The following GDPD3 variants were observed in gnomAD, a reference collection of about 807,000 sequenced individuals.
GDPD3 encodes the protein glycerophosphodiester phosphodiesterase domain containing 3.
A neutral mutation model predicts 43.7 loss-of-function variants in GDPD3; 40 were observed. The ratio of observed to expected loss-of-function variants is 0.91; its 90% CI spans 0.71 to 1.19. GDPD3 has a LOEUF of 1.19. Among genes scored for constraint, GDPD3 ranks in the 50% most tolerant of loss-of-function variants. The pLI is 0.00. For synonymous variants in GDPD3, 145 were observed against 162.9 expected, an observed-to-expected ratio of 0.89 and a Z score of 0.84; for missense variants, 363 against 415.8, an observed-to-expected ratio of 0.87 and a Z score of 1.11.
chr16:30,112,292 G>T lies in GDPD3; in HGVS notation c.483+14C>A. 1 of 1,613,648 alleles carries T rather than the reference G, an allele frequency of 6.2e-7. No individual in the cohort carries two copies. ...CGCCCCCGGTGGCCGCCCTAGCCCT[G>T]CCTGCAGCACCACCTCACGGATGAG... On this transcript the variant is annotated intron_variant, in intron 5 of 9. Coordinates refer to ENST00000406256, the MANE Select transcript of GDPD3 (RefSeq NM_024307.3). This position sits in a 1 kb window ranked among gnomAD's most constrained non-coding sequence, Gnocchi z 5.4.
chr16:30,113,179 C>T lies in GDPD3; in HGVS notation c.140-115G>A. ...CCTCCCTCTGGCCTCACCTCCCCAG[C>T]CAGCCCAGGCTGCGCCAGCATCTTC... On this transcript the variant is annotated intron_variant, in intron 1 of 9. Transcript: ENST00000406256. The surrounding 1 kb of genome is among the most constrained non-coding windows in gnomAD (Gnocchi z 5.9). 1 of 1,354,090 alleles carries T rather than the reference C, an allele frequency of 7.4e-7. No individual in the cohort carries two copies. The highest frequency in any genetic ancestry group is 1.0e-6 in the Non-Finnish European group (1 of 977,218). 83.9% of individuals were successfully genotyped at this position (1,354,090 alleles called of 1,614,324 possible).
rs2072875066 is a variant in GDPD3, at chr16:30,108,361, T to C, written c.767+12A>G. 1 of 1,613,868 alleles carries C rather than the reference T, an allele frequency of 6.2e-7. No individual in the cohort carries two copies. On this transcript the variant is annotated intron_variant, in intron 8 of 9. Coordinates refer to ENST00000406256, the MANE Select transcript of GDPD3 (RefSeq NM_024307.3). ...ATGGGGACACGCCACCCAGCCATCT[T>C]GCCCACCTCACCATTTCGAAACCAC... is the stretch of plus-strand genomic sequence containing the variant.
chr16:30,113,237 T>G lies in GDPD3; in HGVS notation c.139+103A>C. Reference sequence around the variant, plus strand: ...TCCACACCCTGCCCTGCCACTTCGCTCTCCTTCTCTCTTGGTCCCTGCCCC... The same window carrying G: ...TCCACACCCTGCCCTGCCACTTCGCGCTCCTTCTCTCTTGGTCCCTGCCCC... On this transcript the variant is annotated intron_variant, in intron 1 of 9. Coordinates refer to ENST00000406256, the MANE Select transcript of GDPD3 (RefSeq NM_024307.3). The surrounding 1 kb of genome is among the most constrained non-coding windows in gnomAD (Gnocchi z 5.9). 4.8e-6 allele frequency: 7 copies of G among 1,454,216 alleles called. No homozygotes were observed. Among genetic ancestry groups the G allele is most frequent in the Non-Finnish European group, 6.5e-6 (7 of 1,071,832 alleles). 90.1% of individuals were successfully genotyped at this position (1,454,216 alleles called of 1,614,324 possible).
At chr16:30,110,409 C>G (rs1182048343) in intron 7 of GDPD3, 1 of 151,936 alleles carries the variant, frequency 6.6e-6, no homozygotes, top group African/African-American at 2.4e-5. Context: ...GCAGCCTGGG[C>G]AACAGGGGAA....
chr16:30,113,320 C>A lies in GDPD3; in HGVS notation c.139+20G>T. On this transcript the variant is annotated intron_variant, in intron 1 of 9. Coordinates refer to ENST00000406256, the MANE Select transcript of GDPD3 (RefSeq NM_024307.3). The surrounding 1 kb of genome is among the most constrained non-coding windows in gnomAD (Gnocchi z 5.9). The stretch of plus-strand genomic sequence containing the variant: ...TGTGCTGTCCACTTTGGCACCTGTT[C>A]TCACCCCTACCCGGCTCACCTCCTC... 6.3e-7 allele frequency: 1 copy of A among 1,578,890 alleles called. No individual in the cohort carries two copies.
At position 30,112,505 on chromosome 16, in the gene GDPD3, C is replaced by T. The variant is rs201916465; in HGVS notation, c.364+18G>A. The T allele has an allele frequency of 3.7e-5, 60 of 1,614,004 alleles. No homozygotes were observed. The East Asian group carries it at 8.5e-4, about 23-fold the overall frequency. ...AGGCAGGCATGGCCCAGGCAGGGCT[C>T]GAAGCCCTTGCTCTCACCTGGAGAG... On this transcript the variant is annotated intron_variant, in intron 4 of 9. Transcript: ENST00000406256. The surrounding 1 kb of genome is among the most constrained non-coding windows in gnomAD (Gnocchi z 5.4).
chr16:30,108,541 C>T, intron 7 of GDPD3, 109 bp from the exon 8 acceptor site: 1 of 888,610 alleles, frequency 1.1e-6, no homozygotes, highest in Non-Finnish European at 1.9e-6. Context: ...CTCCCACCCC[C>T]CAGAATCCCC....
intron 7 of GDPD3, 58 bp downstream of exon 7, chr16:30,111,327 CCTT>C: frequency 1.9e-6 from 3 of 1,574,028 alleles, no homozygotes; most frequent in Middle Eastern, 1.7e-4. Context: ...GATCTGGGCT[CCTT>C]CTCCACGGAG....
intron 7 of GDPD3, 34 bp downstream of exon 7, chr16:30,111,354 G>A (rs1386531033): frequency 1.2e-6 from 2 of 1,610,440 alleles, no homozygotes; most frequent in African/African-American, 2.7e-5. Flanking sequence ...CTAAGCAGTG[G>A]GGAGTTTTTC....
intron 6 of GDPD3, 131 bp from the exon 7 acceptor site, chr16:30,111,652 G>T: frequency 2.0e-6 from 2 of 1,021,256 alleles, no homozygotes; most frequent in Non-Finnish European, 2.9e-6. Flanking sequence ...ACATCTTGGG[G>T]CTGGGTGTGG....
intron 7 of GDPD3, chr16:30,110,359 A>C (rs1276696714): frequency 6.6e-6 from 1 of 152,154 alleles, no homozygotes; most frequent in African/African-American, 2.4e-5. Context: ...TGAACCAGGG[A>C]GGCAGAGCTT....
intron 7 of GDPD3, 133 bp from the exon 8 acceptor site, chr16:30,108,565 G>C: frequency 1.3e-6 from 1 of 762,652 alleles, no homozygotes; most frequent in South Asian, 1.5e-5. Context: ...AATAACCTTT[G>C]TAGTTGCCCC....
intron 9 of GDPD3, among the ~76,000 whole-genome samples, chr16:30,107,186 A>G (rs2072866793): frequency 6.6e-6 from 1 of 152,050 alleles, no homozygotes; most frequent in South Asian, 2.1e-4. Flanking sequence ...AGCTCACTGC[A>G]CCCTCGAAAC....
intron 6 of GDPD3, 21 bp from the exon 7 acceptor site, chr16:30,111,542 A>G (rs775435433): frequency 1.2e-6 from 2 of 1,613,128 alleles, no homozygotes; most frequent in African/African-American, 1.3e-5. Context: ...AAGGAGAGGC[A>G]TGAGAATCTG....
chr16:30,104,944 G>A lies in GDPD3; in HGVS notation c.885C>T (p.Gly295=), dbSNP rs779542300. ...GGGCTGTGGGATAATCCGTTATGAC[G>A]CCAGTGGCTCCCACGCTGAAGGCTG... is the stretch of plus-strand genomic sequence containing the variant. ...FEAAFSVGAT[G]VITDYPTALR... The change falls in exon 10 of 10, where the codon GGC becomes GGT. Residue 295 remains glycine (G), a synonymous_variant. Transcript: ENST00000406256. 3.7e-6 allele frequency: 6 copies of A among 1,612,784 alleles called. No individual in the cohort carries two copies. Among genetic ancestry groups the A allele is most frequent in the East Asian group, 2.2e-5 (1 of 44,876 alleles).
In GDPD3 at chr16:30,112,580, AG is replaced by A. The variant is rs773384722; in HGVS notation, c.319-13del. 8.1e-6 allele frequency: 13 copies of A among 1,613,976 alleles called. No homozygotes were observed. The highest frequency in any genetic ancestry group is 1.1e-5 in the Non-Finnish European group (13 of 1,180,010). On this transcript the variant is annotated splice_polypyrimidine_tract_variant and intron_variant, in intron 3 of 9. Transcript: ENST00000406256. The surrounding 1 kb of genome is among the most constrained non-coding windows in gnomAD (Gnocchi z 5.4). The stretch of plus-strand genomic sequence containing the variant: ...TAGAGGGGCAGGTCCTGGGGAGGAC[AG>A]GAAGGATGTCACTAGAGGCCCGCAT...
rs61764626 is a variant in GDPD3 at position 30,105,436 on chromosome 16, G to A, written c.820-427C>T. Among the ~76,000 whole-genome samples the A allele has an allele frequency of 7.3e-3, 1,050 of 143,676 alleles. 6 individuals are homozygous for A. Among genetic ancestry groups the A allele is most frequent in the African/African-American group, 0.026 (996 of 38,134 alleles). The allele number at this position is 143,676 out of a possible 152,430, so 94.3% of individuals were successfully genotyped here. A position where few individuals can be genotyped will look rare whatever the true frequency, so the allele number is the denominator to read the frequency against. Reference sequence around the variant, plus strand: ...TGCACCACTGTACTCCAGCCTGGGCGATACAACAAGACCTCGTCTCAAAAA... The same window carrying A: ...TGCACCACTGTACTCCAGCCTGGGCAATACAACAAGACCTCGTCTCAAAAA... On this transcript the variant is annotated intron_variant, in intron 9 of 9. Transcript: ENST00000406256.
At chr16:30,108,586 T>G in intron 7 of GDPD3, 154 bp from the exon 8 acceptor site, 2 of 669,782 alleles carry the variant, frequency 3.0e-6, no homozygotes, top group Non-Finnish European at 2.7e-6. Context: ...AGTGAACAAT[T>G]CACCCATTGT....
In GDPD3 at chr16:30,113,258, GC is replaced by G; in HGVS notation, c.139+81del. The stretch of plus-strand genomic sequence containing the variant: ...TCGCTCTCCTTCTCTCTTGGTCCCT[GC>G]CCCGTTTCTAGCATGCCCCCTTGGA... On this transcript the variant is annotated intron_variant, in intron 1 of 9. Transcript: ENST00000406256. This position sits in a 1 kb window ranked among gnomAD's most constrained non-coding sequence, Gnocchi z 5.9. 3 of 1,500,846 alleles carry G rather than the reference GC, an allele frequency of 2.0e-6. No individual in the cohort carries two copies. The highest frequency in any genetic ancestry group is 2.7e-6 in the Non-Finnish European group (3 of 1,111,950). 93.0% of individuals were successfully genotyped at this position (1,500,846 alleles called of 1,614,324 possible). A position where few individuals can be genotyped will look rare whatever the true frequency, so the allele number is the denominator to read the frequency against.
Sources: gnomAD v4.1 joint callset for allele counts (sites outside exome capture counted in the v4.1 genomes callset) on GRCh38, gnomAD v4.1.1 for gene constraint, Gnocchi (gnomAD v3.1) non-coding constraint, MANE v1.5 for transcripts, NCBI Gene and HGNC (gene_info 2026-07-23, HGNC 2026-07-21) for gene names.